Variants in TMEM41B observed in about 807,000 individuals in gnomAD.
TMEM41B encodes protein stasimon.
TMEM41B carries 18 observed loss-of-function variants against 31.9 expected under a neutral mutation model. That is an observed-to-expected ratio of 0.56 (90% CI 0.39 to 0.84). TMEM41B has a LOEUF of 0.84. Ranked by LOEUF, TMEM41B falls within the 40% of genes least tolerant of loss-of-function variation. The probability of loss-of-function intolerance (pLI) is 0.00; values close to 1 mark genes in which losing one functional copy is unlikely to be tolerated. For missense variants in TMEM41B, 322 were observed against 348.0 expected, an observed-to-expected ratio of 0.93 and a Z score of 0.59; for synonymous variants, 144 against 124.3, an observed-to-expected ratio of 1.16 and a Z score of -1.05.
chr11:9,295,203 C>T, intron 3 of TMEM41B, 56 bp downstream of exon 3: 1 of 1,412,068 alleles, frequency 7.1e-7, no homozygotes, highest in Admixed American at 2.7e-5. Context: ...AAGAGCAGAC[C>T]TTTTACACTT....
chr11:9,286,052 T>A (rs1023102432), intron 6 of TMEM41B, among the ~76,000 whole-genome samples: 1 of 151,928 alleles, frequency 6.6e-6, no homozygotes, highest in Admixed American at 6.6e-5. Context: ...GAGGCGGAGA[T>A]TGCAGTGAGC....
intron 1 of TMEM41B, among the ~76,000 whole-genome samples, chr11:9,306,681 G>A (rs1446571002): frequency 1.4e-5 from 2 of 147,222 alleles, no homozygotes; most frequent in African/African-American, 2.5e-5. Flanking sequence ...GCGAGACTCC[G>A]TCTCAAAAAA....
chr11:9,286,355 T>C, intron 6 of TMEM41B, 100 bp downstream of exon 6: 1 of 1,220,776 alleles, frequency 8.2e-7, no homozygotes, highest in Non-Finnish European at 1.1e-6. Flanking sequence ...TAGATGGTGC[T>C]GGCATAATCT....
chr11:9,296,599 G>A (rs1228871094), intron 2 of TMEM41B, among the ~76,000 whole-genome samples: 1 of 114,870 alleles, frequency 8.7e-6, no homozygotes, highest in Non-Finnish European at 1.6e-5. Context: ...CAGAGACTCC[G>A]TCTCAAAAAA....
At position 9,290,561 on chromosome 11, in the gene TMEM41B, AAAAG is replaced by A. The variant is rs1474949261; in HGVS notation, c.369-2030_369-2027del. 3.9e-5 allele frequency among the ~76,000 whole-genome samples: 6 copies of A among 152,132 alleles called. No homozygotes were observed. The East Asian group carries it at 9.6e-4, about 24-fold the overall frequency. ...ACTTAAAGTATAATAATAAAAAAAAAAAAGAAAGAAAAGAAAGCAAGACTCCAAA... is the reference window on the plus strand; with the variant it reads ...ACTTAAAGTATAATAATAAAAAAAAAAAAGAAAAGAAAGCAAGACTCCAAA... On this transcript the variant is annotated intron_variant, in intron 3 of 6. Transcript: ENST00000528080.
In TMEM41B at chr11:9,282,145, A is replaced by T. The variant is rs1033338611; in HGVS notation, c.*1279T>A. 1 of 152,148 alleles carries T rather than the reference A, an allele frequency of 6.6e-6. No homozygotes were observed. The highest frequency in any genetic ancestry group is 2.4e-5 in the African/African-American group (1 of 41,430). 9.4% of individuals were successfully genotyped at this position (152,148 alleles called of 1,614,324 possible). A position where few individuals can be genotyped will look rare whatever the true frequency, so the allele number is the denominator to read the frequency against. ...GTAATCCCAGCACTTTGGGAGGTGGAAGTGGGCATATAGCCTGAGGTCAGG... is the reference window on the plus strand; with the variant it reads ...GTAATCCCAGCACTTTGGGAGGTGGTAGTGGGCATATAGCCTGAGGTCAGG... On this transcript the variant is annotated 3_prime_UTR_variant, in exon 7 of 7. Transcript: ENST00000528080.
rs139013803 is a variant in TMEM41B at position 9,295,012 on chromosome 11, ATGTT to A, written c.368+243_368+246del. 1,376 of 418,602 alleles carry A rather than the reference ATGTT, an allele frequency of 3.3e-3. 16 individuals carry two copies. The highest frequency in any genetic ancestry group is 0.021 in the African/African-American group (1,031 of 47,970). 25.9% of individuals were successfully genotyped at this position (418,602 alleles called of 1,614,324 possible). Reference sequence around the variant, plus strand: ...TCTTAATAATATGCAATAAAGGAAAATGTTTGGTAAGTGAAAAAAGCAGAATACA... The same window carrying A: ...TCTTAATAATATGCAATAAAGGAAAATGGTAAGTGAAAAAAGCAGAATACA... On this transcript the variant is annotated intron_variant, in intron 3 of 6. Coordinates refer to ENST00000528080, the MANE Select transcript of TMEM41B (RefSeq NM_015012.4).
intron 3 of TMEM41B, chr11:9,295,051 C>A (rs1853050504): frequency 2.8e-6 from 2 of 724,966 alleles, no homozygotes; most frequent in South Asian, 1.1e-4. Context: ...AAAAGAACTT[C>A]TAATAAATAT....
At chr11:9,287,678 A>C in intron 5 of TMEM41B, 24 bp downstream of exon 5, 1 of 1,537,564 alleles carries the variant, frequency 6.5e-7, no homozygotes. Context: ...AGTTACATCA[A>C]ATAATTTAAA....
intron 1 of TMEM41B, among the ~76,000 whole-genome samples, chr11:9,309,375 T>C (rs1853494480): frequency 6.6e-6 from 1 of 151,898 alleles, no homozygotes; most frequent in Admixed American, 6.6e-5. Flanking sequence ...TCAGCAAGGG[T>C]TCCAGTGGGT....
chr11:9,291,748 G>A (rs955211243), intron 3 of TMEM41B, among the ~76,000 whole-genome samples: 10 of 149,380 alleles, frequency 6.7e-5, no homozygotes, highest in African/African-American at 2.2e-4. Flanking sequence ...TCGCTCTGTC[G>A]TCCAGGCTGG....
At position 9,314,445 on chromosome 11, in the gene TMEM41B, T is replaced by G; in HGVS notation, c.-4A>C. On this transcript the variant is annotated 5_prime_UTR_variant, in exon 1 of 7. Coordinates refer to ENST00000528080, the MANE Select transcript of TMEM41B (RefSeq NM_015012.4). ...CGGCGACTCTGCCTTTCGCCATGGC[T>G]GCTGCAAGGTGAAGGGAGCGGTGCG... 1 of 1,554,324 alleles carries G rather than the reference T, an allele frequency of 6.4e-7. No individual in the cohort carries two copies. The highest frequency in any genetic ancestry group is 1.4e-5 in the African/African-American group (1 of 73,196).
At chr11:9,306,066 C>A (rs768464899) in intron 1 of TMEM41B, among the ~76,000 whole-genome samples, 2 of 149,674 alleles carry the variant, frequency 1.3e-5, no homozygotes, top group Non-Finnish European at 3.0e-5. Context: ...GCAACCTCCA[C>A]CTCCTGGGTT....
chr11:9,287,180 A>T (rs562064534), intron 5 of TMEM41B, among the ~76,000 whole-genome samples: 8 of 150,518 alleles, frequency 5.3e-5, no homozygotes, highest in South Asian at 4.2e-4. Context: ...GGTGGCATGT[A>T]CCTATAATCC....
chr11:9,313,124 T>TG (rs1468294474), intron 1 of TMEM41B, among the ~76,000 whole-genome samples: 2 of 152,176 alleles, frequency 1.3e-5, no homozygotes, highest in Non-Finnish European at 2.9e-5. Context: ...CCTTGGAATA[T>TG]TGTCACCCTC....
chr11:9,314,284 C>G, intron 1 of TMEM41B, 37 bp downstream of exon 1: 3 of 1,560,854 alleles, frequency 1.9e-6, no homozygotes, highest in Non-Finnish European at 1.7e-6. Context: ...ACAGAAGCCT[C>G]GGGCCACCCC....
intron 6 of TMEM41B, among the ~76,000 whole-genome samples, 194 bp from the exon 7 acceptor site, chr11:9,283,787 ATTTT>A (rs373365005): frequency 6.8e-6 from 1 of 146,240 alleles, no homozygotes. Context: ...AAGGATAATG[ATTTT>A]TTTTTTTTTT....
At chr11:9,299,325 T>TACACACACACACACACACACACACACC (rs139794462) in intron 2 of TMEM41B, among the ~76,000 whole-genome samples, 5 of 123,144 alleles carry the variant, frequency 4.1e-5, no homozygotes, top group African/African-American at 1.2e-4. Flanking sequence ...TATACATACA[T>TACACACACACACACACACACACACACC]ACACACACAC....
At chr11:9,311,680 G>C (rs1853565972) in intron 1 of TMEM41B, 1 of 789,840 alleles carries the variant, frequency 1.3e-6, no homozygotes. Context: ...CTGGCACTGG[G>C]ATTCCACATG....
Sources: gnomAD v4.1 joint callset for allele counts (sites outside exome capture counted in the v4.1 genomes callset) on GRCh38, gnomAD v4.1.1 for gene constraint, MANE v1.5 for transcripts, NCBI Gene and HGNC (gene_info 2026-07-23, HGNC 2026-07-21) for gene names.